The following STAG1 variants were observed in gnomAD, a reference collection of about 807,000 sequenced individuals.
STAG1 encodes STAG1 cohesin complex component.
STAG1 carries 26 observed loss-of-function variants against 170.9 expected under a neutral mutation model. That is an observed-to-expected ratio of 0.15 (90% CI 0.11 to 0.21). STAG1 has a LOEUF of 0.21. STAG1 is among the 10% of genes least tolerant of loss of function. The pLI is 1.00. For missense variants in STAG1, 964 were observed against 1,509.5 expected (o/e 0.64, Z 5.99); for synonymous variants, 514 against 497.7 (o/e 1.03, Z -0.44).
intron 1 of STAG1, among the ~76,000 whole-genome samples, chr3:136,709,902 G>A (rs1056139648): frequency 2.6e-5 from 4 of 152,024 alleles, no homozygotes; most frequent in African/African-American, 4.8e-5. Flanking sequence ...GGGCATGGTG[G>A]CACACACCTG....
chr3:136,745,623 T>A (rs1193238269), intron 1 of STAG1, among the ~76,000 whole-genome samples: 1 of 152,178 alleles, frequency 6.6e-6, no homozygotes, highest in Non-Finnish European at 1.5e-5. Context: ...GGAGCACAGG[T>A]GATAAAGCTA....
chr3:136,736,425 A>G, intron 1 of STAG1: 1 of 1,112,348 alleles, frequency 9.0e-7, no homozygotes, highest in Non-Finnish European at 1.4e-6. Flanking sequence ...GTGGGAGGAA[A>G]GAATGAGTCC....
intron 1 of STAG1, among the ~76,000 whole-genome samples, chr3:136,746,872 G>A (rs548975432): frequency 2.0e-5 from 3 of 151,200 alleles, no homozygotes; most frequent in Admixed American, 1.3e-4. Context: ...CGAGGCAGGC[G>A]GATCACCTGA....
At chr3:136,357,075 G>A (rs973921427) in intron 28 of STAG1, among the ~76,000 whole-genome samples, 4 of 152,078 alleles carry the variant, frequency 2.6e-5, no homozygotes, top group Non-Finnish European at 5.9e-5. Flanking sequence ...ACCCTCCTGA[G>A]TAGCTGGGAC....
intron 5 of STAG1, among the ~76,000 whole-genome samples, chr3:136,549,274 T>G (rs1279877703): frequency 6.6e-6 from 1 of 152,184 alleles, no homozygotes; most frequent in Non-Finnish European, 1.5e-5. Context: ...CCGAATTGAT[T>G]GATGAATTGT....
At chr3:136,359,764 C>A (rs376290452) in intron 26 of STAG1, among the ~76,000 whole-genome samples, 1 of 152,196 alleles carries the variant, frequency 6.6e-6, no homozygotes, top group African/African-American at 2.4e-5. Context: ...CTGCCCTGGG[C>A]TCCCAAAATG....
chr3:136,425,914 A>T (rs1040911137), intron 16 of STAG1, among the ~76,000 whole-genome samples: 1 of 151,660 alleles, frequency 6.6e-6, no homozygotes, highest in Non-Finnish European at 1.5e-5. Context: ...AACACTCAAA[A>T]GCAGAACAAT....
intron 4 of STAG1, chr3:136,586,992 T>TA (rs556471619): frequency 6.6e-5 from 28 of 424,740 alleles, no homozygotes; most frequent in South Asian, 4.8e-4. Flanking sequence ...GAAGAAAAGA[T>TA]AGCTACCACT....
In STAG1 at chr3:136,461,311, C is replaced by T. The variant is rs533385036; in HGVS notation, c.1313+3570G>A. The stretch of plus-strand genomic sequence containing the variant: ...TTCACCACTTTTATACAACATAGTA[C>T]TAAAAGTCCTAGTCAGAGCAGTTAG... On this transcript the variant is annotated intron_variant, in intron 13 of 33. Coordinates refer to ENST00000383202, the MANE Select transcript of STAG1 (RefSeq NM_005862.3). Among the ~76,000 whole-genome samples the T allele has an allele frequency of 2.6e-5, 4 of 152,118 alleles. No individual in the cohort carries two copies. In the South Asian group the frequency reaches 8.3e-4, roughly 32 times the overall value.
intron 1 of STAG1, among the ~76,000 whole-genome samples, chr3:136,660,059 T>C (rs1438412758): frequency 1.3e-5 from 2 of 152,238 alleles, no homozygotes; most frequent in Non-Finnish European, 2.9e-5. Flanking sequence ...TCAACATACA[T>C]GCAGCATGTG....
intron 7 of STAG1, among the ~76,000 whole-genome samples, chr3:136,507,131 T>A (rs1933808412): frequency 1.3e-5 from 2 of 152,242 alleles, no homozygotes; most frequent in African/African-American, 4.8e-5. Context: ...AAAGACTTGA[T>A]GGTTACATAG....
chr3:136,690,593 T>C (rs1942688587), intron 1 of STAG1, among the ~76,000 whole-genome samples: 1 of 152,140 alleles, frequency 6.6e-6, no homozygotes, highest in Non-Finnish European at 1.5e-5. Flanking sequence ...AAGGCATATC[T>C]GCTATCTGTG....
intron 1 of STAG1, among the ~76,000 whole-genome samples, chr3:136,680,740 T>A (rs191742141): frequency 6.6e-6 from 1 of 151,370 alleles, no homozygotes; most frequent in Non-Finnish European, 1.5e-5. Context: ...AAAGTAACCA[T>A]TGAATAACAC....
rs1309449975 is a variant in STAG1, at chr3:136,702,097, GAGAGAGAGAGAGAGAGAGAGAGAGAC to G, written c.-84+50072_-84+50097del. 7.1e-3 allele frequency among the ~76,000 whole-genome samples: 723 copies of G among 101,644 alleles called. 9 individuals carry two copies. Among genetic ancestry groups the G allele is most frequent in the African/African-American group, 0.033 (624 of 19,026 alleles). 66.7% of individuals were successfully genotyped at this position (101,644 alleles called of 152,430 possible). The stretch of plus-strand genomic sequence containing the variant: ...CGAAAGAGAGAGAGAGAGAGAGAGA[GAGAGAGAGAGAGAGAGAGAGAGAGAC>G]AGAGAGACAGAGAGACAGAGAGACA... On this transcript the variant is annotated intron_variant, in intron 1 of 33. Transcript: ENST00000383202.
intron 5 of STAG1, among the ~76,000 whole-genome samples, chr3:136,543,486 T>C (rs1936002406): frequency 6.6e-6 from 1 of 152,108 alleles, no homozygotes; most frequent in Non-Finnish European, 1.5e-5. Context: ...TATAAATATC[T>C]ATATAGACAA....
chr3:136,635,529 T>C (rs538525830), intron 1 of STAG1, among the ~76,000 whole-genome samples: 5 of 152,210 alleles, frequency 3.3e-5, no homozygotes, highest in African/African-American at 1.2e-4. Flanking sequence ...GGAGAGAAAC[T>C]CAAAGCTTTT....
rs529483153 is a variant in STAG1, at chr3:136,678,020, G to C, written c.-83-47039C>G. 4.7e-5 allele frequency among the ~76,000 whole-genome samples: 7 copies of C among 148,688 alleles called. No individual in the cohort carries two copies. The East Asian group carries it at 9.7e-4, about 21-fold the overall frequency. ...TATATATGACTTCTGAAGAAATTTA[G>C]TAAAAGTTGGCACTAGTATGAAGAA... On this transcript the variant is annotated intron_variant, in intron 1 of 33. Coordinates refer to ENST00000383202, the MANE Select transcript of STAG1 (RefSeq NM_005862.3).
chr3:136,374,056 T>TA (rs1442571694), intron 23 of STAG1, among the ~76,000 whole-genome samples: 1 of 152,212 alleles, frequency 6.6e-6, no homozygotes, highest in Non-Finnish European at 1.5e-5. Flanking sequence ...TTAGGATACT[T>TA]AGCTCTTCTT....
intron 9 of STAG1, among the ~76,000 whole-genome samples, chr3:136,479,612 C>CAAATGGTATT (rs2089868872): frequency 1.7e-5 from 1 of 59,714 alleles, no homozygotes; most frequent in South Asian, 9.0e-4. Flanking sequence ...ATGGCTGGGT[C>CAAATGGTATT]AAATGGTATT....
Sources: allele counts gnomAD v4.1 joint callset (sites outside exome capture counted in the v4.1 genomes callset), GRCh38; gene constraint gnomAD v4.1.1; transcripts MANE v1.5; gene names NCBI Gene and HGNC (gene_info 2026-07-23, HGNC 2026-07-21).